The following ADGRA1 variants were observed in gnomAD, a reference collection of about 807,000 sequenced individuals.
ADGRA1 encodes adhesion G protein-coupled receptor A1, also known as G-protein coupled receptor 123.
In ADGRA1, 12 loss-of-function variants were observed where a neutral mutation model predicts 21.3. The ratio of observed to expected loss-of-function variants is 0.56; its 90% CI spans 0.36 to 0.91. The LOEUF is 0.91. Ranked by LOEUF, ADGRA1 falls within the 40% of genes least tolerant of loss-of-function variation. The pLI, the probability that ADGRA1 is intolerant of heterozygous loss-of-function variation, is 0.01. For synonymous variants in ADGRA1, 385 were observed against 368.8 expected, an observed-to-expected ratio of 1.04 and a Z score of -0.50; for missense variants, 790 against 805.6, an observed-to-expected ratio of 0.98 and a Z score of 0.23.
chr10:133,099,536 G>A (rs1033131579), intron 4 of ADGRA1, among the ~76,000 whole-genome samples: 4 of 152,154 alleles, frequency 2.6e-5, no homozygotes, highest in African/African-American at 4.8e-5. Flanking sequence ...ACATCCGGGG[G>A]CCCAGCCTGA....
chr10:133,109,315 T>TG (rs1485998845), intron 5 of ADGRA1, among the ~76,000 whole-genome samples: 1 of 152,062 alleles, frequency 6.6e-6, no homozygotes, highest in Non-Finnish European at 1.5e-5. Context: ...TCCTGCTCTG[T>TG]GGACTGCCCT....
rs148608242 is a variant in ADGRA1 at position 133,094,608 on chromosome 10, G to A, written c.4-2366G>A. On this transcript the variant is annotated intron_variant, in intron 2 of 6. Transcript: ENST00000392607. Reference sequence around the variant, plus strand: ...TGAGAACGAAGTCCTTGTTCCAGGCGACTCACTGAGGAAATGCTCCGATAG... The same window carrying A: ...TGAGAACGAAGTCCTTGTTCCAGGCAACTCACTGAGGAAATGCTCCGATAG... 6.8e-4 allele frequency among the ~76,000 whole-genome samples: 104 copies of A among 152,252 alleles called. 1 individual carries two copies. Among genetic ancestry groups the A allele is most frequent in the African/African-American group, 2.4e-3 (101 of 41,542 alleles).
At chr10:133,092,006 T>C (rs1484611343) in intron 2 of ADGRA1, among the ~76,000 whole-genome samples, 1 of 152,098 alleles carries the variant, frequency 6.6e-6, no homozygotes, top group Admixed American at 6.5e-5. Context: ...CAGGATCGGG[T>C]CCTGGCCCAA....
At chr10:133,114,193 G>GAAGCTC (rs1852113729) in intron 5 of ADGRA1, among the ~76,000 whole-genome samples, 2 of 152,314 alleles carry the variant, frequency 1.3e-5, no homozygotes, top group Middle Eastern at 6.8e-3. Context: ...GGAGCAGAGG[G>GAAGCTC]CACTGGAGCT....
intron 3 of ADGRA1, among the ~76,000 whole-genome samples, chr10:133,097,731 C>T (rs776566291): frequency 1.3e-5 from 2 of 152,176 alleles, no homozygotes; most frequent in African/African-American, 4.8e-5. Context: ...GATGGTTTAT[C>T]GACAGGAGAA....
At chr10:133,097,245 A>C in intron 3 of ADGRA1, 144 bp downstream of exon 3, 1 of 981,910 alleles carries the variant, frequency 1.0e-6, no homozygotes, top group Non-Finnish European at 1.5e-6. Context: ...CAGCTAGCTC[A>C]GACCCGCTCA....
rs774959238 is a variant in ADGRA1 at position 133,129,258 on chromosome 10, C to T, written c.1430C>T (p.Pro477Leu). ...CTGGCCTGCTGCACCCAGGGCGACCCCTTCCCCATGGTCACCCAGCCCGAG... is the reference window on the plus strand; with the variant it reads ...CTGGCCTGCTGCACCCAGGGCGACCTCTTCCCCATGGTCACCCAGCCCGAG... ...HTLACCTQGD[P>L]FPMVTQPEGS... is the part of the protein sequence containing the mutation. The change falls in exon 7 of 7, where the codon CCC (proline) becomes CTC (leucine). Residue 477 changes from proline (P) to leucine (L), a missense_variant. By Grantham distance (98) the Pro-to-Leu change is moderately conservative (BLOSUM62 -3). Coordinates refer to ENST00000392607, the MANE Select transcript of ADGRA1 (RefSeq NM_001083909.3). 1.9e-6 allele frequency: 3 copies of T among 1,549,842 alleles called. No individual in the cohort carries two copies. The highest frequency in any genetic ancestry group is 8.7e-7 in the Non-Finnish European group (1 of 1,147,014).
At chr10:133,118,329 A>G (rs965329382) in intron 5 of ADGRA1, among the ~76,000 whole-genome samples, 9 of 152,220 alleles carry the variant, frequency 5.9e-5, no homozygotes, top group African/African-American at 1.7e-4. Flanking sequence ...AGTCAACTAC[A>G]GTAGAGTATA....
chr10:133,102,132 C>T (rs1323247051), intron 4 of ADGRA1: 9 of 437,642 alleles, frequency 2.1e-5, no homozygotes, highest in Admixed American at 4.8e-5. Flanking sequence ...CAATGAGGAA[C>T]GGCGACCTGC....
intron 5 of ADGRA1, among the ~76,000 whole-genome samples, chr10:133,104,926 G>A (rs1030862239): frequency 4.6e-5 from 7 of 152,162 alleles, no homozygotes; most frequent in Non-Finnish European, 8.8e-5. Context: ...AGGCTGGAGC[G>A]GGGCCTTTCT....
chr10:133,119,105 A>T (rs551463438), intron 5 of ADGRA1, among the ~76,000 whole-genome samples: 2 of 152,278 alleles, frequency 1.3e-5, no homozygotes, highest in Admixed American at 6.5e-5. Context: ...TCACACTTGC[A>T]CGCACACCCG....
chr10:133,123,880 C>T (rs554993798), intron 5 of ADGRA1, among the ~76,000 whole-genome samples: 1 of 152,180 alleles, frequency 6.6e-6, no homozygotes, highest in Non-Finnish European at 1.5e-5. Context: ...CAACCCAGGG[C>T]AGTCTCCACC....
chr10:133,111,058 C>G (rs1851981631), intron 5 of ADGRA1, among the ~76,000 whole-genome samples: 1 of 151,026 alleles, frequency 6.6e-6, no homozygotes, highest in South Asian at 2.1e-4. Context: ...GGGACACCTG[C>G]CCTCCTAATC....
At chr10:133,089,679 G>A (rs546478473) in intron 2 of ADGRA1, among the ~76,000 whole-genome samples, 3 of 152,248 alleles carry the variant, frequency 2.0e-5, no homozygotes, top group African/African-American at 7.2e-5. Context: ...GCCGGCTGGC[G>A]TGCTTCGGAG....
At position 133,088,103 on chromosome 10, in the gene ADGRA1, GCCCGGCCGC is replaced by G; in HGVS notation, c.-231_-223del. On this transcript the variant is annotated 5_prime_UTR_variant, in exon 1 of 7. Transcript: ENST00000392607. ...CAGCGCGTCTGTCTCCGGGAGCGCGGCCCGGCCGCCCCGGCAGCCGCTTCGGCCACAGCA... is the reference window on the plus strand; with the variant it reads ...CAGCGCGTCTGTCTCCGGGAGCGCGGCCCGGCAGCCGCTTCGGCCACAGCA... 1.0e-6 allele frequency: 1 copy of G among 985,130 alleles called. No individual in the cohort carries two copies. Among genetic ancestry groups the G allele is most frequent in the Non-Finnish European group, 1.2e-6 (1 of 829,792 alleles). The allele number at this position is 985,130 out of a possible 1,614,324, so 61.0% of individuals were successfully genotyped here. A position where few individuals can be genotyped will look rare whatever the true frequency, so the allele number is the denominator to read the frequency against.
chr10:133,103,745 C>T (rs1001348030), intron 5 of ADGRA1, among the ~76,000 whole-genome samples: 1 of 152,194 alleles, frequency 6.6e-6, no homozygotes, highest in Non-Finnish European at 1.5e-5. Flanking sequence ...GGGGTCTGGC[C>T]GCGGCCGTGA....
intron 2 of ADGRA1, among the ~76,000 whole-genome samples, chr10:133,094,967 C>T (rs1460411926): frequency 6.6e-6 from 1 of 152,184 alleles, no homozygotes; most frequent in Non-Finnish European, 1.5e-5. Flanking sequence ...TTGCACGTGG[C>T]AGGAAGTGGG....
intron 5 of ADGRA1, among the ~76,000 whole-genome samples, chr10:133,121,593 T>A (rs1168480164): frequency 7.3e-6 from 1 of 137,246 alleles, no homozygotes; most frequent in Non-Finnish European, 1.5e-5. Flanking sequence ...TGTGTGTGCC[T>A]GTGCGTTTGT....
chr10:133,098,488 C>A, intron 3 of ADGRA1, 152 bp from the exon 4 acceptor site: 1 of 868,612 alleles, frequency 1.2e-6, no homozygotes. Context: ...GACCCATCTG[C>A]TCTCCCCTGA....
Sources: allele counts gnomAD v4.1 joint callset (sites outside exome capture counted in the v4.1 genomes callset), GRCh38; gene constraint gnomAD v4.1.1; transcripts MANE v1.5; gene names NCBI Gene and HGNC (gene_info 2026-07-23, HGNC 2026-07-21).